B4GALT7: variants seen among roughly 807,000 people sequenced by gnomAD.
B4GALT7 encodes the protein beta-1,4-galactosyltransferase 7, also known as UDP-Gal:beta-GlcNAc beta-1,4-galactosyltransferase 7.
A neutral mutation model predicts 33.0 loss-of-function variants in B4GALT7; 30 were observed. That is an observed-to-expected ratio of 0.91 (90% confidence interval 0.68 to 1.23). B4GALT7 has a LOEUF of 1.23. Among genes scored for constraint, B4GALT7 ranks in the 50% most tolerant of loss-of-function variants. The pLI, the probability that B4GALT7 is intolerant of heterozygous loss-of-function variation, is 0.00. For missense variants in B4GALT7, 507 were observed against 450.8 expected, an observed-to-expected ratio of 1.12 and a Z score of -1.13; for synonymous variants, 213 against 187.2, an observed-to-expected ratio of 1.14 and a Z score of -1.13.
chr5:177,603,028 G>A (rs563009016), intron 1 of B4GALT7: 62 of 321,112 alleles, frequency 1.9e-4, no homozygotes, highest in African/African-American at 1.3e-3. Flanking sequence ...GACTATAGGC[G>A]CGTACCACCA....
In B4GALT7 at chr5:177,608,448, T is replaced by TG; in HGVS notation, c.640-86dup. On this transcript the variant is annotated intron_variant, in intron 3 of 5. Coordinates refer to ENST00000029410, the MANE Select transcript of B4GALT7 (RefSeq NM_007255.3). This position sits in a 1 kb window ranked among gnomAD's most constrained non-coding sequence, Gnocchi z 4.1. ...GCACCCGGGGCTTATTCAGAGGCGC[T>TG]GGGGGAGAGGGGCACTCCCGAGCGG... 1 of 1,200,682 alleles carries TG rather than the reference T, an allele frequency of 8.3e-7. No homozygotes were observed. The allele number at this position is 1,200,682 out of a possible 1,614,324, so 74.4% of individuals were successfully genotyped here.
At chr5:177,607,707 A>T (rs976722804) in intron 3 of B4GALT7, 180 bp downstream of exon 3, 1 of 648,436 alleles carries the variant, frequency 1.5e-6, no homozygotes, top group Non-Finnish European at 2.7e-6. Flanking sequence ...GCAGCAGCAG[A>T]ACTGCTTGCA....
chr5:177,602,959 T>A, intron 1 of B4GALT7: 2 of 583,852 alleles, frequency 3.4e-6, no homozygotes, highest in Non-Finnish European at 4.3e-6. Flanking sequence ...CTCAGCTCAC[T>A]GCAACCTCCG....
In B4GALT7 at chr5:177,609,805, A is replaced by G. The variant is rs1170041137; in HGVS notation, c.*110A>G. On this transcript the variant is annotated 3_prime_UTR_variant, in exon 6 of 6. Coordinates refer to ENST00000029410, the MANE Select transcript of B4GALT7 (RefSeq NM_007255.3). ...GACAGGATGTGGAGTGGCCAGGACC[A>G]AGACAGCAAGCTACGCAATTGCAGC... The G allele has an allele frequency of 2.1e-6, 3 of 1,436,212 alleles. No individual in the cohort carries two copies. The highest frequency in any genetic ancestry group is 1.9e-6 in the Non-Finnish European group (2 of 1,052,816). 89.0% of individuals were successfully genotyped at this position (1,436,212 alleles called of 1,614,324 possible).
At chr5:177,605,495 T>C (rs925699477) in intron 2 of B4GALT7, among the ~76,000 whole-genome samples, 1 of 152,254 alleles carries the variant, frequency 6.6e-6, no homozygotes, top group Non-Finnish European at 1.5e-5. Context: ...CTGACGACTT[T>C]GCTTCCAATT....
chr5:177,603,305 A>T (rs1388817185), intron 1 of B4GALT7: 10 of 985,236 alleles, frequency 1.0e-5, no homozygotes, highest in Non-Finnish European at 1.1e-5. Context: ...CCCTTCATGG[A>T]TTCCTCAGCT....
At position 177,608,619 on chromosome 5, in the gene B4GALT7, C is replaced by A; in HGVS notation, c.720C>A (p.Leu240=). The A allele has an allele frequency of 6.2e-7, 1 of 1,613,618 alleles. No individual in the cohort carries two copies. The highest frequency in any genetic ancestry group is 8.5e-7 in the Non-Finnish European group (1 of 1,179,966). ...ACCGGCGCATTAAGGGAGCTGGGCT[C>A]CAGGTGAGATTCCCCGGGCCCCGCC... The part of the protein sequence containing the change: ...EFYRRIKGAG[L]QLFRPSGITT... The change falls in exon 4 of 6, where the codon CTC becomes CTA. Residue 240 remains leucine (L), a synonymous_variant. Transcript: ENST00000029410. This position sits in a 1 kb window ranked among gnomAD's most constrained non-coding sequence, Gnocchi z 4.1.
chr5:177,604,618 T>G, intron 2 of B4GALT7, 77 bp downstream of exon 2: 1 of 1,592,976 alleles, frequency 6.3e-7, no homozygotes, highest in Non-Finnish European at 8.6e-7. Context: ...AGAGGCCACC[T>G]GGGGCAGGGG....
At position 177,604,159 on chromosome 5, in the gene B4GALT7, C is replaced by T. The variant is rs1554126437; in HGVS notation, c.51-20C>T. 4 of 1,613,210 alleles carry T rather than the reference C, an allele frequency of 2.5e-6. No homozygotes were observed. The highest frequency in any genetic ancestry group is 3.4e-6 in the Non-Finnish European group (4 of 1,179,936). Reference sequence around the variant, plus strand: ...CCAGCCCTGCCCCGCCCTCCTGACCCTGTCCCGCGCTTGCTCCAGGTCCGG... The same window carrying T: ...CCAGCCCTGCCCCGCCCTCCTGACCTTGTCCCGCGCTTGCTCCAGGTCCGG... On this transcript the variant is annotated intron_variant, in intron 1 of 5. Transcript: ENST00000029410.
At chr5:177,604,805 G>C (rs1034997508) in intron 2 of B4GALT7, among the ~76,000 whole-genome samples, 2 of 152,280 alleles carry the variant, frequency 1.3e-5, no homozygotes, top group Admixed American at 1.3e-4. Flanking sequence ...TGTGGTCTGC[G>C]GTGACAGTGG....
At position 177,606,640 on chromosome 5, in the gene B4GALT7, A is replaced by G. The variant is rs1173288238; in HGVS notation, c.414-662A>G. 1 of 163,828 alleles carries G rather than the reference A, an allele frequency of 6.1e-6. No individual in the cohort carries two copies. The highest frequency in any genetic ancestry group is 1.3e-5 in the Non-Finnish European group (1 of 74,114). 10.1% of individuals were successfully genotyped at this position (163,828 alleles called of 1,614,324 possible). ...ACAGCTAGGGCGGTCCTGTCCAGGC[A>G]TAAGTCACAGCACGCCTCTACCCTG... On this transcript the variant is annotated intron_variant, in intron 2 of 5. Transcript: ENST00000029410. This position sits in a 1 kb window ranked among gnomAD's most constrained non-coding sequence, Gnocchi z 4.2.
At position 177,600,382 on chromosome 5, in the gene B4GALT7, T is replaced by C. The variant is rs1167649907; in HGVS notation, c.50+122T>C. 12 of 813,650 alleles carry C rather than the reference T, an allele frequency of 1.5e-5. No individual in the cohort carries two copies. The highest frequency in any genetic ancestry group is 5.4e-5 in the African/African-American group (3 of 55,666). The allele number at this position is 813,650 out of a possible 1,614,324, so 50.4% of individuals were successfully genotyped here. On this transcript the variant is annotated intron_variant, in intron 1 of 5. Coordinates refer to ENST00000029410, the MANE Select transcript of B4GALT7 (RefSeq NM_007255.3). The surrounding 1 kb of genome is among the most constrained non-coding windows in gnomAD (Gnocchi z 4.4). ...ATGTCTGCGGGTTTCTGTGAGGGCG[T>C]GTGGTTCTCCCTGTGGGTCCCTGGC...
rs947051343 is a variant in B4GALT7 at position 177,604,207 on chromosome 5, C to T, written c.79C>T (p.Arg27Trp). Reference sequence around the variant, plus strand: ...CGGGTTGCTCTCCGGCGGCCTCCCTCGGAAGTGTTCCGTCTTCCACCTGTT... The same window carrying T: ...CGGGTTGCTCTCCGGCGGCCTCCCTTGGAAGTGTTCCGTCTTCCACCTGTT... ...RSGLLSGGLP[R>W]KCSVFHLFVA... is the part of the protein sequence containing the mutation. Residue 27 changes from arginine to tryptophan, a missense_variant, in exon 2 of 6, where the codon CGG becomes TGG. By Grantham distance (101) the Arg-to-Trp change is moderately radical. Transcript: ENST00000029410. 2.5e-5 allele frequency: 40 copies of T among 1,613,554 alleles called. No individual in the cohort carries two copies. Among genetic ancestry groups the T allele is most frequent in the East Asian group, 6.7e-5 (3 of 44,882 alleles).
chr5:177,602,848 G>A (rs947840054), intron 1 of B4GALT7: 2 of 978,996 alleles, frequency 2.0e-6, no homozygotes, highest in African/African-American at 1.8e-5. Context: ...GAGTGAGGAA[G>A]GATCAGAGGG....
rs745494614 is a variant in B4GALT7, at chr5:177,609,604, C to T, written c.893C>T (p.Thr298Ile). ...GTGAAGTACCATGTGGCTTCCCGCA[C>T]TGCCCTGTCTGTGGGCGGGGCCCCC... The part of the protein sequence containing the change: ...NTVKYHVASR[T>I]ALSVGGAPCT... The change falls in exon 6 of 6, where the codon ACT (threonine) becomes ATT (isoleucine). Residue 298 changes from threonine (T) to isoleucine (I), a missense_variant. Coordinates refer to ENST00000029410, the MANE Select transcript of B4GALT7 (RefSeq NM_007255.3). The T allele has an allele frequency of 1.2e-6, 2 of 1,614,024 alleles. No individual in the cohort carries two copies. The highest frequency in any genetic ancestry group is 1.7e-5 in the Admixed American group (1 of 60,036).
At position 177,601,252 on chromosome 5, in the gene B4GALT7, A is replaced by G. The variant is rs564733993; in HGVS notation, c.50+992A>G. ...ACCTGGGCAGGAGTCCTCCGTAATTATGTGAGCAGAGACCCCTGCATCTGT... is the reference window on the plus strand; with the variant it reads ...ACCTGGGCAGGAGTCCTCCGTAATTGTGTGAGCAGAGACCCCTGCATCTGT... On this transcript the variant is annotated intron_variant, in intron 1 of 5. Coordinates refer to ENST00000029410, the MANE Select transcript of B4GALT7 (RefSeq NM_007255.3). Among the ~76,000 whole-genome samples, 27 of 152,330 alleles carry G rather than the reference A, an allele frequency of 1.8e-4. No homozygotes were observed. The East Asian group carries it at 4.1e-3, about 23-fold the overall frequency.
At chr5:177,602,685 T>C in intron 1 of B4GALT7, 1 of 214,072 alleles carries the variant, frequency 4.7e-6, no homozygotes, top group Non-Finnish European at 8.0e-6. Flanking sequence ...GTGCCCAACA[T>C]GAGAACATGG....
intron 1 of B4GALT7, among the ~76,000 whole-genome samples, chr5:177,601,217 C>T (rs1349170057): frequency 6.6e-6 from 1 of 152,192 alleles, no homozygotes; most frequent in Non-Finnish European, 1.5e-5. Context: ...AAAGCGTGGA[C>T]TAGCGTTCGA....
Position 177,600,371 on chromosome 5 carries a change from C to T in B4GALT7, c.50+111C>T. The T allele has an allele frequency of 1.1e-6, 1 of 913,890 alleles. No homozygotes were observed. The highest frequency in any genetic ancestry group is 1.4e-6 in the Non-Finnish European group (1 of 696,288). The allele number at this position is 913,890 out of a possible 1,614,324, so 56.6% of individuals were successfully genotyped here. On this transcript the variant is annotated intron_variant, in intron 1 of 5. Coordinates refer to ENST00000029410, the MANE Select transcript of B4GALT7 (RefSeq NM_007255.3). This position sits in a 1 kb window ranked among gnomAD's most constrained non-coding sequence, Gnocchi z 4.4. ...ATCACGTCTCCATGTCTGCGGGTTT[C>T]TGTGAGGGCGTGTGGTTCTCCCTGT...
Sources: allele counts gnomAD v4.1 joint callset (sites outside exome capture counted in the v4.1 genomes callset), GRCh38; gene constraint gnomAD v4.1.1; non-coding constraint Gnocchi (gnomAD v3.1); transcripts MANE v1.5; gene names NCBI Gene and HGNC (gene_info 2026-07-23, HGNC 2026-07-21).